TMOD3: variants seen among roughly 807,000 people sequenced by gnomAD.
TMOD3 encodes the protein tropomodulin 3.
TMOD3 carries 20 observed loss-of-function variants against 39.2 expected under a neutral mutation model. The observed-to-expected ratio is 0.51, with a 90% CI of 0.36 to 0.74. TMOD3 has a LOEUF of 0.74. Among genes scored for constraint, TMOD3 ranks in the 30% least tolerant of loss-of-function variants. The pLI is 0.00. For missense variants in TMOD3, 381 were observed against 412.8 expected, an observed-to-expected ratio of 0.92 and a Z score of 0.67; for synonymous variants, 143 against 145.8, an observed-to-expected ratio of 0.98 and a Z score of 0.14.
chr15:51,874,048 G>T (rs1024225409), intron 3 of TMOD3, among the ~76,000 whole-genome samples: 1 of 152,124 alleles, frequency 6.6e-6, no homozygotes, highest in African/African-American at 2.4e-5. Flanking sequence ...TCACTTAAAG[G>T]CAGACTCTGT....
intron 1 of TMOD3, among the ~76,000 whole-genome samples, chr15:51,850,156 T>A (rs1314391183): frequency 6.6e-6 from 1 of 152,168 alleles, no homozygotes; most frequent in Non-Finnish European, 1.5e-5. Context: ...GAGAGGGATG[T>A]GAAGTAGAAG....
In TMOD3 at chr15:51,908,914, A is replaced by C. The variant is rs960163093; in HGVS notation, c.*104A>C. The C allele has an allele frequency of 7.5e-6, 7 of 936,040 alleles. No homozygotes were observed. In the Admixed American group the frequency reaches 9.3e-5, roughly 12 times the overall value. 58.0% of individuals were successfully genotyped at this position (936,040 alleles called of 1,614,324 possible). On this transcript the variant is annotated 3_prime_UTR_variant, in exon 10 of 10. Transcript: ENST00000308580. Reference sequence around the variant, plus strand: ...TGGGTAGAAGGGAAAAGACTGGAAAAATTTTTTTAGTGACATGCATTTTTT... The same window carrying C: ...TGGGTAGAAGGGAAAAGACTGGAAACATTTTTTTAGTGACATGCATTTTTT...
intron 9 of TMOD3, among the ~76,000 whole-genome samples, chr15:51,906,035 A>G (rs1214717559): frequency 6.6e-6 from 1 of 151,598 alleles, no homozygotes; most frequent in Admixed American, 6.6e-5. Flanking sequence ...TAAGCCTGCC[A>G]TCTAGAGGAT....
At position 51,910,789 on chromosome 15, in the gene TMOD3, G is replaced by A. The variant is rs894361595; in HGVS notation, c.*1979G>A. 3 of 143,138 alleles carry A rather than the reference G, an allele frequency of 2.1e-5. No homozygotes were observed. Among genetic ancestry groups the A allele is most frequent in the Admixed American group, 7.0e-5 (1 of 14,266 alleles). 8.9% of individuals were successfully genotyped at this position (143,138 alleles called of 1,614,324 possible). On this transcript the variant is annotated 3_prime_UTR_variant, in exon 10 of 10. Transcript: ENST00000308580. The stretch of plus-strand genomic sequence containing the variant: ...TGTTTTGGTTTTTTGGTTTTGTTTT[G>A]TTTTGTTTTTTAAATCAGTATCCAA...
chr15:51,866,844 A>G (rs969663864), intron 2 of TMOD3, among the ~76,000 whole-genome samples: 2 of 152,232 alleles, frequency 1.3e-5, no homozygotes, highest in Non-Finnish European at 2.9e-5. Flanking sequence ...CTCATGACGC[A>G]GGCTGGTAGG....
chr15:51,895,347 A>G (rs1269052005), intron 6 of TMOD3, among the ~76,000 whole-genome samples: 1 of 151,452 alleles, frequency 6.6e-6, no homozygotes, highest in Non-Finnish European at 1.5e-5. Context: ...AGCCTCCTGA[A>G]TACCTGGGAT....
At chr15:51,888,450 A>G (rs1336050005) in intron 4 of TMOD3, among the ~76,000 whole-genome samples, 1 of 152,246 alleles carries the variant, frequency 6.6e-6, no homozygotes, top group Non-Finnish European at 1.5e-5. Context: ...TAAACAGTAC[A>G]TTCACCAGAG....
chr15:51,860,041 A>C, intron 1 of TMOD3: 3 of 532,552 alleles, frequency 5.6e-6, no homozygotes, highest in South Asian at 4.2e-5. Context: ...CTGCCTCTTC[A>C]TATACGGCAC....
intron 1 of TMOD3, among the ~76,000 whole-genome samples, chr15:51,858,588 T>G (rs1434265949): frequency 6.6e-6 from 1 of 152,194 alleles, no homozygotes; most frequent in Non-Finnish European, 1.5e-5. Context: ...TCCCCTGTGA[T>G]TACAGGATGT....
intron 3 of TMOD3, among the ~76,000 whole-genome samples, chr15:51,878,438 A>G (rs2056516735): frequency 6.8e-6 from 1 of 147,832 alleles, no homozygotes; most frequent in Non-Finnish European, 1.5e-5. Context: ...TGTCCATTTT[A>G]ATTGTTTCAG....
At chr15:51,856,252 G>A (rs1195760054) in intron 1 of TMOD3, among the ~76,000 whole-genome samples, 1 of 152,176 alleles carries the variant, frequency 6.6e-6, no homozygotes, top group Non-Finnish European at 1.5e-5. Flanking sequence ...AACAGAATGA[G>A]ACCTTGTCTT....
chr15:51,901,569 TTTA>T, intron 8 of TMOD3: 2 of 184,718 alleles, frequency 1.1e-5, no homozygotes, highest in East Asian at 2.9e-4. Flanking sequence ...CTTTAAAAAG[TTTA>T]GTGTGTGTGT....
Position 51,915,347 on chromosome 15 carries a change from A to G in TMOD3, c.*6537A>G, listed in dbSNP as rs1025043677. Reference sequence around the variant, plus strand: ...TTTCAAATGTATATACACGTATAACATAAAAATTTTTGTAATTTCAAATGT... The same window carrying G: ...TTTCAAATGTATATACACGTATAACGTAAAAATTTTTGTAATTTCAAATGT... On this transcript the variant is annotated 3_prime_UTR_variant, in exon 10 of 10. Coordinates refer to ENST00000308580, the MANE Select transcript of TMOD3 (RefSeq NM_014547.5). 1.3e-5 allele frequency: 2 copies of G among 152,192 alleles called. No individual in the cohort carries two copies. The highest frequency in any genetic ancestry group is 2.9e-5 in the Non-Finnish European group (2 of 68,030). The allele number at this position is 152,192 out of a possible 1,614,324, so 9.4% of individuals were successfully genotyped here.
rs532376769 is a variant in TMOD3, at chr15:51,889,003, G to A, written c.407-53G>A. The A allele has an allele frequency of 3.3e-6, 4 of 1,218,388 alleles. No individual in the cohort carries two copies. In the South Asian group the frequency reaches 5.4e-5, roughly 16 times the overall value. 75.5% of individuals were successfully genotyped at this position (1,218,388 alleles called of 1,614,324 possible). On this transcript the variant is annotated intron_variant, in intron 4 of 9. Transcript: ENST00000308580. ...AAATTATTGATAGAAATTTTTAGTTGTAAAACTCTTCATGTTTAAAACAAT... is the reference window on the plus strand; with the variant it reads ...AAATTATTGATAGAAATTTTTAGTTATAAAACTCTTCATGTTTAAAACAAT...
intron 8 of TMOD3, 97 bp downstream of exon 8, chr15:51,900,395 G>A: frequency 7.1e-7 from 1 of 1,414,360 alleles, no homozygotes; most frequent in Non-Finnish European, 9.6e-7. Context: ...GGGCTGTCAG[G>A]GATCCCTGTT....
intron 1 of TMOD3, among the ~76,000 whole-genome samples, chr15:51,856,212 G>A (rs569272604): frequency 2.0e-5 from 3 of 152,284 alleles, no homozygotes; most frequent in East Asian, 1.9e-4. Flanking sequence ...GCAGTGAGCC[G>A]TCATTGCACC....
At chr15:51,856,245 A>G (rs558393873) in intron 1 of TMOD3, among the ~76,000 whole-genome samples, 1 of 152,372 alleles carries the variant, frequency 6.6e-6, no homozygotes, top group South Asian at 2.1e-4. Context: ...CCTGGGTAAC[A>G]GAATGAGACC....
chr15:51,897,252 A>G (rs2056625536), intron 7 of TMOD3, among the ~76,000 whole-genome samples: 1 of 151,992 alleles, frequency 6.6e-6, no homozygotes, highest in Non-Finnish European at 1.5e-5. Context: ...TTATCTTCAT[A>G]TACTTGCTGA....
At chr15:51,859,172 T>C (rs1397094526) in intron 1 of TMOD3, 3 of 712,626 alleles carry the variant, frequency 4.2e-6, no homozygotes, top group Non-Finnish European at 7.9e-6. Flanking sequence ...AAGATGGCTG[T>C]ATTCTTCCTC....
Sources: allele counts gnomAD v4.1 joint callset (sites outside exome capture counted in the v4.1 genomes callset), GRCh38; gene constraint gnomAD v4.1.1; transcripts MANE v1.5; gene names NCBI Gene and HGNC (gene_info 2026-07-23, HGNC 2026-07-21).